The following ROS1 variants were observed in gnomAD, a reference collection of about 807,000 sequenced individuals.
ROS1 encodes the protein ROS proto-oncogene 1, receptor tyrosine kinase.
ROS1 carries 263 observed loss-of-function variants against 273.5 expected under a neutral mutation model. That is an observed-to-expected ratio of 0.96 (90% confidence interval 0.87 to 1.06). The LOEUF (loss-of-function observed/expected upper bound fraction) is 1.06. Among genes scored for constraint, ROS1 ranks in the 50% least tolerant of loss-of-function variants. The pLI is 0.00. For missense variants in ROS1, 2,833 were observed against 2,751.1 expected (o/e 1.03, Z -0.67); for synonymous variants, 1,008 against 954.1 (o/e 1.06, Z -1.04).
chr6:117,323,446 T>C (rs997645529), intron 35 of ROS1, among the ~76,000 whole-genome samples: 2 of 152,152 alleles, frequency 1.3e-5, no homozygotes, highest in African/African-American at 4.8e-5. Flanking sequence ...ACTTTCTTAA[T>C]ATGTGTTTGA....
Position 117,300,086 on chromosome 6 carries a change from C to CTTTTTTTTTTTTTTTTTTTTT in ROS1, c.6715+867_6715+887dup, listed in dbSNP as rs10700318. 2.5e-4 allele frequency among the ~76,000 whole-genome samples: 8 copies of CTTTTTTTTTTTTTTTTTTTTT among 31,836 alleles called. 1 individual carries two copies. Among genetic ancestry groups the CTTTTTTTTTTTTTTTTTTTTT allele is most frequent in the Admixed American group, 5.5e-4 (1 of 1,832 alleles). The allele number at this position is 31,836 out of a possible 152,430, so 20.9% of individuals were successfully genotyped here. A position where few individuals can be genotyped will look rare whatever the true frequency, so the allele number is the denominator to read the frequency against. On this transcript the variant is annotated intron_variant, in intron 43 of 43. Coordinates refer to ENST00000368507, the MANE Select transcript of ROS1 (RefSeq NM_001378902.1). Reference sequence around the variant, plus strand: ...TACAGGCGCCCGCCACCAGGACAGGCTTTTTTTTTTTTTTTTTTTTTTTTT... The same window carrying CTTTTTTTTTTTTTTTTTTTTT: ...TACAGGCGCCCGCCACCAGGACAGGCTTTTTTTTTTTTTTTTTTTTTTTTTTTTTTTTTTTTTTTTTTTTTT...
Position 117,328,115 on chromosome 6 carries a change from C to T in ROS1, c.5348+1214G>A, listed in dbSNP as rs1311869899. 5.9e-5 allele frequency among the ~76,000 whole-genome samples: 9 copies of T among 152,160 alleles called. No individual in the cohort carries two copies. In the East Asian group the frequency reaches 1.7e-3, roughly 29 times the overall value. ...CCCTTGGAAACTAATAAGGCTTGTTCAACTCCCAAGTTCATGCACTTTGCA... is the reference window on the plus strand; with the variant it reads ...CCCTTGGAAACTAATAAGGCTTGTTTAACTCCCAAGTTCATGCACTTTGCA... On this transcript the variant is annotated intron_variant, in intron 33 of 43. Coordinates refer to ENST00000368507, the MANE Select transcript of ROS1 (RefSeq NM_001378902.1).
intron 21 of ROS1, among the ~76,000 whole-genome samples, chr6:117,363,670 G>A (rs1779981439): frequency 1.3e-5 from 2 of 152,120 alleles, no homozygotes; most frequent in Non-Finnish European, 2.9e-5. Flanking sequence ...CTTTCAGAGT[G>A]CACTAAAGTT....
chr6:117,410,829 C>T (rs1262879526), intron 4 of ROS1, among the ~76,000 whole-genome samples: 1 of 152,102 alleles, frequency 6.6e-6, no homozygotes, highest in Non-Finnish European at 1.5e-5. Flanking sequence ...CCCAGGTTTG[C>T]TTAGGTAAGG....
rs116249779 is a variant in ROS1 at position 117,349,650 on chromosome 6, T to G, written c.4303+3340A>C. On this transcript the variant is annotated intron_variant, in intron 27 of 43. Transcript: ENST00000368507. ...TGCCCTTGTTCTTTGTTCCTACTTTTGTCTTCCACTTTTTTTCTGACTTTT... is the reference window on the plus strand; with the variant it reads ...TGCCCTTGTTCTTTGTTCCTACTTTGGTCTTCCACTTTTTTTCTGACTTTT... Among the ~76,000 whole-genome samples, 589 of 152,210 alleles carry G rather than the reference T, an allele frequency of 3.9e-3. 1 individual carries two copies. Among genetic ancestry groups the G allele is most frequent in the African/African-American group, 0.013 (547 of 41,580 alleles).
chr6:117,394,509 A>T, intron 10 of ROS1, 107 bp downstream of exon 10: 1 of 939,344 alleles, frequency 1.1e-6, no homozygotes, highest in Non-Finnish European at 1.5e-6. Context: ...TTAGGATATT[A>T]AGAGAATATG....
chr6:117,421,968 A>C (rs1328586911), intron 1 of ROS1, among the ~76,000 whole-genome samples: 4 of 152,206 alleles, frequency 2.6e-5, no homozygotes, highest in South Asian at 4.1e-4. Context: ...ATTTTTATGA[A>C]GTAAACACTT....
At chr6:117,378,767 G>A (rs1444111299) in intron 18 of ROS1, among the ~76,000 whole-genome samples, 1 of 151,946 alleles carries the variant, frequency 6.6e-6, no homozygotes, top group Non-Finnish European at 1.5e-5. Context: ...ACTCCATAAT[G>A]TATACTCTAT....
chr6:117,307,209 C>T (rs543057641), intron 42 of ROS1, among the ~76,000 whole-genome samples: 1 of 152,212 alleles, frequency 6.6e-6, no homozygotes, highest in East Asian at 1.9e-4. Flanking sequence ...AACCCCCCTG[C>T]CCCAAACAAA....
At position 117,301,095 on chromosome 6, in the gene ROS1, T is replaced by C. The variant is rs149121667; in HGVS notation, c.6594A>G (p.Gln2198=). 1.9e-6 allele frequency: 3 copies of C among 1,601,376 alleles called. No individual in the cohort carries two copies. The African/African-American group carries it at 4.0e-5, about 21-fold the overall frequency. ...MTQCWAQEPD[Q]RPTFHRIQDQ... ...CCTGAATTCTATGAAAAGTAGGTCTTTGGTCGGGTTCTTGAGCCCAGCACT... is the reference window on the plus strand; with the variant it reads ...CCTGAATTCTATGAAAAGTAGGTCTCTGGTCGGGTTCTTGAGCCCAGCACT... The change falls in exon 43 of 44, where the codon CAA becomes CAG. Residue 2198 remains glutamine (Q), a synonymous_variant. Transcript: ENST00000368507.
chr6:117,330,921 C>T lies in ROS1; in HGVS notation c.5231-1475G>A, dbSNP rs1272045406. Among the ~76,000 whole-genome samples, 12 of 152,144 alleles carry T rather than the reference C, an allele frequency of 7.9e-5. No homozygotes were observed. The East Asian group carries it at 2.1e-3, about 27-fold the overall frequency. On this transcript the variant is annotated intron_variant, in intron 32 of 43. Transcript: ENST00000368507. ...AAAAAATGCTGAAAACCCAAAAGGCCAGAGTGCCTCTTCTCCTCTAAATGA... is the reference window on the plus strand; with the variant it reads ...AAAAAATGCTGAAAACCCAAAAGGCTAGAGTGCCTCTTCTCCTCTAAATGA...
At chr6:117,301,980 C>A (rs1306186638) in intron 42 of ROS1, among the ~76,000 whole-genome samples, 1 of 152,176 alleles carries the variant, frequency 6.6e-6, no homozygotes, top group Non-Finnish European at 1.5e-5. Context: ...ATGTTGGACA[C>A]TTGTTTTATA....
intron 1 of ROS1, among the ~76,000 whole-genome samples, chr6:117,423,702 C>CT (rs564177817): frequency 0.026 from 3,791 of 147,282 alleles, 133 homozygotes; most frequent in African/African-American, 0.087. Flanking sequence ...CTTGTGGTGA[C>CT]TTTTTTTTTT....
At chr6:117,361,610 G>A (rs1048324779) in intron 22 of ROS1, among the ~76,000 whole-genome samples, 62 of 149,358 alleles carry the variant, frequency 4.2e-4, no homozygotes, top group African/African-American at 1.5e-3. Flanking sequence ...CACTTAACCC[G>A]AATATTATTT....
intron 5 of ROS1, 46 bp downstream of exon 5, chr6:117,409,536 T>C: frequency 7.4e-7 from 1 of 1,348,504 alleles, no homozygotes. Context: ...TACAAGTCAC[T>C]AGAGTGGTGC....
At chr6:117,298,474 A>G (rs994515401) in intron 43 of ROS1, among the ~76,000 whole-genome samples, 1 of 152,246 alleles carries the variant, frequency 6.6e-6, no homozygotes, top group African/African-American at 2.4e-5. Context: ...CTTAGGAACA[A>G]AAGATTTAAT....
chr6:117,383,613 A>G, intron 16 of ROS1, 105 bp from the exon 17 acceptor site: 1 of 888,782 alleles, frequency 1.1e-6, no homozygotes, highest in Non-Finnish European at 1.8e-6. Flanking sequence ...TCATTCATTC[A>G]TTCAACCACA....
intron 27 of ROS1, among the ~76,000 whole-genome samples, chr6:117,345,817 T>C (rs538813577): frequency 7.2e-5 from 11 of 152,186 alleles, no homozygotes; most frequent in South Asian, 2.1e-4. Flanking sequence ...GCTATTACTA[T>C]CATCATTACT....
At chr6:117,310,049 G>A (rs2128547797) in intron 41 of ROS1, 32 bp downstream of exon 41, 1 of 1,556,866 alleles carries the variant, frequency 6.4e-7, no homozygotes, top group Non-Finnish European at 8.9e-7. Context: ...TGATGATTCT[G>A]TCAGCATTAC....
Sources: allele counts gnomAD v4.1 joint callset (sites outside exome capture counted in the v4.1 genomes callset), GRCh38; gene constraint gnomAD v4.1.1; transcripts MANE v1.5; gene names NCBI Gene and HGNC (gene_info 2026-07-23, HGNC 2026-07-21).